Variants in TTC34 observed in about 807,000 individuals in gnomAD.
TTC34 encodes the protein tetratricopeptide repeat domain 34.
Under a neutral mutation model 40.7 loss-of-function variants are expected in TTC34, and 44 were observed. The ratio of observed to expected loss-of-function variants is 1.08; its 90% CI spans 0.85 to 1.39. The LOEUF is 1.39. Among genes scored for constraint, TTC34 ranks in the 40% most tolerant of loss-of-function variants. The probability of loss-of-function intolerance (pLI) is 0.00; values close to 1 mark genes in which losing one functional copy is unlikely to be tolerated. For synonymous variants in TTC34, 422 were observed against 398.6 expected (o/e 1.06, Z -0.70); for missense variants, 884 against 838.0 (o/e 1.05, Z -0.68).
At chr1:2,685,786 A>G (rs1375945782) in intron 6 of TTC34, among the ~76,000 whole-genome samples, 30 of 130,054 alleles carry the variant, frequency 2.3e-4, no homozygotes, top group African/African-American at 5.2e-4. Context: ...ACAGCCTGGA[A>G]CAGAACCCAC....
rs1438896746 is a variant in TTC34, at chr1:2,796,565, TG to T, written c.784+3478del. The stretch of plus-strand genomic sequence containing the variant: ...TCACATTCCCCAAGCCTGCAACACT[TG>T]GGGGGTTCTGGATTTCTGCAGAGAG... On this transcript the variant is annotated intron_variant, in intron 2 of 8. Transcript: ENST00000401095. The surrounding 1 kb of genome is among the most constrained non-coding windows in gnomAD (Gnocchi z 4.5). 6.6e-6 allele frequency among the ~76,000 whole-genome samples: 1 copy of T among 152,044 alleles called. No individual in the cohort carries two copies. Among genetic ancestry groups the T allele is most frequent in the African/African-American group, 2.4e-5 (1 of 41,406 alleles).
At chr1:2,693,152 GC>G (rs1640704289) in intron 6 of TTC34, among the ~76,000 whole-genome samples, 1 of 93,516 alleles carries the variant, frequency 1.1e-5, no homozygotes, top group African/African-American at 4.4e-5. Flanking sequence ...ACACCCCCAG[GC>G]GAGCATCTGA....
At chr1:2,789,579 A>C (rs1643637341) in exon 3 of TTC34, 1 of 1,475,808 alleles carries the variant, frequency 6.8e-7, no homozygotes, top group African/African-American at 1.5e-5. Flanking sequence ...GCGCGTGGAG[A>C]TCGCTGCAGC....
At position 2,681,635 on chromosome 1, in the gene TTC34, G is replaced by A. The variant is rs1296732538; in HGVS notation, c.2227-36072C>T. Among the ~76,000 whole-genome samples the A allele has an allele frequency of 4.2e-5, 3 of 70,878 alleles. 1 individual carries two copies. The highest frequency in any genetic ancestry group is 9.7e-5 in the Non-Finnish European group (3 of 30,924). 46.5% of individuals were successfully genotyped at this position (70,878 alleles called of 152,430 possible). A position where few individuals can be genotyped will look rare whatever the true frequency, so the allele number is the denominator to read the frequency against. On this transcript the variant is annotated intron_variant, in intron 6 of 8. Transcript: ENST00000401095. ...GGAACCGCAGCCACACCCCCAGCGAGCACCTGACAGCCTGGAGCAGCATCC... is the reference window on the plus strand; with the variant it reads ...GGAACCGCAGCCACACCCCCAGCGAACACCTGACAGCCTGGAGCAGCATCC...
rs1639011235 is a variant in TTC34 at position 2,645,867 on chromosome 1, G to A, written c.2227-304C>T. Among the ~76,000 whole-genome samples, 1 of 152,112 alleles carries A rather than the reference G, an allele frequency of 6.6e-6. No homozygotes were observed. The highest frequency in any genetic ancestry group is 1.5e-5 in the Non-Finnish European group (1 of 68,028). ...CTGCTAATTTCCATCTCCTGAGGCT[G>A]CCTGCGGTCTGTGAGCCCTCCCTGG... On this transcript the variant is annotated intron_variant, in intron 6 of 8. Coordinates refer to ENST00000401095, the Ensembl canonical transcript of TTC34. The surrounding 1 kb of genome is among the most constrained non-coding windows in gnomAD (Gnocchi z 4.7).
At chr1:2,649,328 A>G (rs958735281) in intron 6 of TTC34, among the ~76,000 whole-genome samples, 1 of 151,798 alleles carries the variant, frequency 6.6e-6, no homozygotes, top group African/African-American at 2.4e-5. Context: ...GACAACCCAC[A>G]TAAGCATCTG....
At chr1:2,762,004 C>T (rs1641695499) in intron 6 of TTC34, among the ~76,000 whole-genome samples, 1 of 52,160 alleles carries the variant, frequency 1.9e-5, no homozygotes, top group Non-Finnish European at 3.2e-5. Flanking sequence ...TGGAGCAGCG[C>T]CCACACCCCC....
intron 6 of TTC34, among the ~76,000 whole-genome samples, chr1:2,765,726 G>C (rs1641768851): frequency 2.0e-5 from 1 of 50,160 alleles, no homozygotes; most frequent in African/African-American, 2.0e-4. Context: ...CCCCAGGCGA[G>C]CATCTGACAG....
At chr1:2,768,601 G>A (rs1388065131) in intron 6 of TTC34, among the ~76,000 whole-genome samples, 10 of 151,958 alleles carry the variant, frequency 6.6e-5, no homozygotes, top group Non-Finnish European at 1.2e-4. Flanking sequence ...GCAGCTGAAA[G>A]CCTGGAATGG....
intron 6 of TTC34, among the ~76,000 whole-genome samples, chr1:2,773,069 C>T (rs1642538747): frequency 4.0e-5 from 6 of 151,210 alleles, no homozygotes; most frequent in Non-Finnish European, 8.9e-5. Flanking sequence ...CCCAGGTGAG[C>T]CTCTGACAGC....
At chr1:2,755,676 T>G (rs1641479926) in intron 6 of TTC34, among the ~76,000 whole-genome samples, 4 of 101,142 alleles carry the variant, frequency 4.0e-5, no homozygotes, top group Admixed American at 1.0e-4. Flanking sequence ...CAGGTGAGCA[T>G]CTGACATCGT....
intron 6 of TTC34, among the ~76,000 whole-genome samples, chr1:2,778,723 C>T (rs1643410821): frequency 6.6e-6 from 1 of 152,176 alleles, no homozygotes; most frequent in Non-Finnish European, 1.5e-5. Flanking sequence ...TCTTCTTTTT[C>T]CAATTTGTTT....
Position 2,687,250 on chromosome 1 carries a change from G to C in TTC34, c.2227-41687C>G, listed in dbSNP as rs1172635951. On this transcript the variant is annotated intron_variant, in intron 6 of 8. Coordinates refer to ENST00000401095, the Ensembl canonical transcript of TTC34. ...GCCTGGAGCAGCACCCACACCCCCAGGTGCGCATCTGATGGTCTGGAGCAG... is the reference window on the plus strand; with the variant it reads ...GCCTGGAGCAGCACCCACACCCCCACGTGCGCATCTGATGGTCTGGAGCAG... Among the ~76,000 whole-genome samples the C allele has an allele frequency of 5.1e-4, 70 of 136,220 alleles. 1 individual carries two copies. The highest frequency in any genetic ancestry group is 8.4e-4 in the Non-Finnish European group (54 of 64,632). The allele number at this position is 136,220 out of a possible 152,430, so 89.4% of individuals were successfully genotyped here.
At chr1:2,751,035 C>T (rs1175098926) in intron 6 of TTC34, among the ~76,000 whole-genome samples, 3 of 119,768 alleles carry the variant, frequency 2.5e-5, no homozygotes, top group African/African-American at 1.1e-4. Context: ...CAGCCTGGAA[C>T]AGAACCCACA....
intron 6 of TTC34, among the ~76,000 whole-genome samples, chr1:2,769,434 T>G (rs796788732): frequency 5.4e-4 from 8 of 14,866 alleles, no homozygotes; most frequent in Non-Finnish European, 7.6e-4. Context: ...CACCCCCAGG[T>G]GAGCATCTGA....
intron 6 of TTC34, among the ~76,000 whole-genome samples, chr1:2,698,894 G>A (rs562087132): frequency 1.1e-3 from 171 of 148,836 alleles, no homozygotes; most frequent in African/African-American, 3.1e-3. Context: ...CACACCCCCA[G>A]GTGAGCATCT....
At position 2,641,489 on chromosome 1, in the gene TTC34, C is replaced by T. The variant is rs1027234165; in HGVS notation, c.3119G>A (p.Arg1040His). ...TACCGCCGTCCAGGCCTCTGCGTGA[C>T]GCTGCTCCTCCAGGCAGCACTGCCC... Residue 1040 changes from arginine (R) to histidine (H), a missense_variant, in exon 9 of 9, where the codon CGT (arginine) becomes CAT (histidine). Arg to His is a conservative substitution (Grantham distance 29). Transcript: ENST00000401095. 4.7e-5 allele frequency: 72 copies of T among 1,535,688 alleles called. 1 individual carries two copies. In the East Asian group the frequency reaches 7.8e-4, roughly 17 times the overall value.
At chr1:2,643,979 C>G (rs1344819502) in intron 8 of TTC34, among the ~76,000 whole-genome samples, 1 of 152,204 alleles carries the variant, frequency 6.6e-6, no homozygotes, top group African/African-American at 2.4e-5. Flanking sequence ...CTGGCTCAGT[C>G]TGGCCCTGAG....
chr1:2,646,923 T>G (rs898409880), intron 6 of TTC34, among the ~76,000 whole-genome samples: 1 of 152,236 alleles, frequency 6.6e-6, no homozygotes, highest in African/African-American at 2.4e-5. Flanking sequence ...AAGGACATTT[T>G]AACAAGATGG....
Sources: allele counts gnomAD v4.1 joint callset (sites outside exome capture counted in the v4.1 genomes callset), GRCh38; gene constraint gnomAD v4.1.1; non-coding constraint Gnocchi (gnomAD v3.1); transcripts MANE v1.5; gene names NCBI Gene and HGNC (gene_info 2026-07-23, HGNC 2026-07-21).